Variants in CPED1 observed in about 807,000 individuals in gnomAD.
The protein encoded by CPED1 is cadherin-like and PC-esterase domain-containing protein 1.
Under a neutral mutation model 128.2 loss-of-function variants are expected in CPED1, and 114 were observed. That is an observed-to-expected ratio of 0.89 (90% CI 0.76 to 1.04). The LOEUF is 1.04. Among genes scored for constraint, CPED1 ranks in the 50% least tolerant of loss-of-function variants. The probability of loss-of-function intolerance (pLI) is 0.00; values close to 1 mark genes in which losing one functional copy is unlikely to be tolerated. For synonymous variants in CPED1, 462 were observed against 426.7 expected (o/e 1.08, Z -1.02); for missense variants, 1,211 against 1,207.1 (o/e 1.00, Z -0.05).
chr7:121,081,882 A>G (rs893839247), intron 5 of CPED1, among the ~76,000 whole-genome samples: 14 of 152,210 alleles, frequency 9.2e-5, no homozygotes, highest in African/African-American at 2.9e-4. Flanking sequence ...TGTGTCAGGC[A>G]CTTTATACAC....
At chr7:121,153,191 T>A (rs997147572) in intron 16 of CPED1, among the ~76,000 whole-genome samples, 1 of 152,162 alleles carries the variant, frequency 6.6e-6, no homozygotes, top group Non-Finnish European at 1.5e-5. Context: ...TGAGGCATAA[T>A]CATAATGTAA....
intron 7 of CPED1, among the ~76,000 whole-genome samples, chr7:121,103,070 A>G (rs1281806021): frequency 6.6e-6 from 1 of 152,138 alleles, no homozygotes; most frequent in Non-Finnish European, 1.5e-5. Context: ...TTTTTATGAT[A>G]GTTTTTATTT....
chr7:121,117,100 A>ATAAAT (rs1450957943), intron 7 of CPED1, among the ~76,000 whole-genome samples: 3 of 70,648 alleles, frequency 4.2e-5, no homozygotes, highest in African/African-American at 9.4e-5. Flanking sequence ...TATATATATA[A>ATAAAT]ATATATATAT....
At chr7:121,157,379 C>T (rs1222617295) in intron 16 of CPED1, among the ~76,000 whole-genome samples, 2 of 152,126 alleles carry the variant, frequency 1.3e-5, no homozygotes, top group African/African-American at 4.8e-5. Flanking sequence ...GGGAGCCCTG[C>T]AACAATTACG....
intron 7 of CPED1, among the ~76,000 whole-genome samples, chr7:121,114,756 G>A (rs1795194909): frequency 6.6e-6 from 1 of 152,134 alleles, no homozygotes; most frequent in African/African-American, 2.4e-5. Context: ...GATTGACAAA[G>A]GAATACAGGT....
At chr7:121,002,012 A>T (rs183849931) in intron 2 of CPED1, among the ~76,000 whole-genome samples, 52 of 151,518 alleles carry the variant, frequency 3.4e-4, no homozygotes, top group African/African-American at 1.1e-3. Flanking sequence ...TATATATATA[A>T]AACACAAATG....
intron 5 of CPED1, among the ~76,000 whole-genome samples, chr7:121,066,493 GA>G (rs1793833057): frequency 6.6e-6 from 1 of 152,056 alleles, no homozygotes; most frequent in Non-Finnish European, 1.5e-5. Flanking sequence ...CCCTGGATTT[GA>G]AAAATCAAGC....
chr7:121,105,169 TGGTG>T (rs1794944677), intron 7 of CPED1, among the ~76,000 whole-genome samples: 2 of 152,088 alleles, frequency 1.3e-5, no homozygotes, highest in Non-Finnish European at 2.9e-5. Flanking sequence ...AAGAGAGGAA[TGGTG>T]TTATGTACAA....
intron 22 of CPED1, among the ~76,000 whole-genome samples, chr7:121,276,716 G>A (rs1449469136): frequency 6.6e-6 from 1 of 152,140 alleles, no homozygotes; most frequent in Non-Finnish European, 1.5e-5. Context: ...GTAGAAGGAA[G>A]GCCATTGCAA....
At position 121,054,031 on chromosome 7, in the gene CPED1, G is replaced by C. The variant is rs536061126; in HGVS notation, c.540+7038G>C. 1.1e-4 allele frequency among the ~76,000 whole-genome samples: 16 copies of C among 152,150 alleles called. No individual in the cohort carries two copies. The South Asian group carries it at 3.1e-3, about 30-fold the overall frequency. ...TTCATCTTGCATTTTTCCTGTCCCA[G>C]GCTGGAATTAACCATTTATCCAGGA... On this transcript the variant is annotated intron_variant, in intron 4 of 22. Transcript: ENST00000310396.
intron 7 of CPED1, among the ~76,000 whole-genome samples, chr7:121,100,987 G>A (rs182695735): frequency 6.6e-6 from 1 of 152,164 alleles, no homozygotes; most frequent in East Asian, 1.9e-4. Flanking sequence ...TCACTGAAAA[G>A]CTTACATATT....
At chr7:121,107,920 C>A (rs1795016738) in intron 7 of CPED1, among the ~76,000 whole-genome samples, 1 of 152,026 alleles carries the variant, frequency 6.6e-6, no homozygotes, top group African/African-American at 2.4e-5. Context: ...GGCTTTTGCT[C>A]CCTTCAGGAG....
chr7:121,205,762 A>T (rs1461200855), intron 16 of CPED1, among the ~76,000 whole-genome samples: 2 of 152,218 alleles, frequency 1.3e-5, no homozygotes, highest in East Asian at 3.9e-4. Flanking sequence ...AAGACACTGT[A>T]AGAACCTGTT....
At chr7:121,288,325 G>T (rs1482787835) in intron 22 of CPED1, among the ~76,000 whole-genome samples, 1 of 152,282 alleles carries the variant, frequency 6.6e-6, no homozygotes, top group East Asian at 1.9e-4. Context: ...TGAATTAAGT[G>T]TTGTTGGGCC....
intron 4 of CPED1, among the ~76,000 whole-genome samples, chr7:121,050,065 A>G (rs1176944362): frequency 6.6e-6 from 1 of 152,168 alleles, no homozygotes; most frequent in Non-Finnish European, 1.5e-5. Context: ...ATCACCTCAA[A>G]AGCTCCAAAG....
intron 16 of CPED1, among the ~76,000 whole-genome samples, chr7:121,155,427 A>G (rs539467436): frequency 6.6e-6 from 1 of 152,282 alleles, no homozygotes; most frequent in Admixed American, 6.5e-5. Flanking sequence ...AAAGAACAAA[A>G]CTGCAGACAT....
intron 16 of CPED1, among the ~76,000 whole-genome samples, chr7:121,211,957 A>G (rs1797654970): frequency 6.6e-6 from 1 of 151,994 alleles, no homozygotes; most frequent in South Asian, 2.1e-4. Flanking sequence ...ATATCTTGAC[A>G]TTTCTTCACT....
intron 4 of CPED1, among the ~76,000 whole-genome samples, chr7:121,059,169 G>A (rs1793585534): frequency 6.6e-6 from 1 of 152,170 alleles, no homozygotes; most frequent in Non-Finnish European, 1.5e-5. Context: ...CAGAGAGATT[G>A]ATTTCTAGCT....
intron 10 of CPED1, 80 bp from the exon 11 acceptor site, chr7:121,128,302 T>C: frequency 2.7e-6 from 2 of 750,176 alleles, no homozygotes; most frequent in African/African-American, 1.7e-5. Flanking sequence ...TCTGATTGGT[T>C]GATGAAATGG....
Sources: gnomAD v4.1 joint callset for allele counts (sites outside exome capture counted in the v4.1 genomes callset) on GRCh38, gnomAD v4.1.1 for gene constraint, MANE v1.5 for transcripts, NCBI Gene and HGNC (gene_info 2026-07-23, HGNC 2026-07-21) for gene names.